The following PIEZO1 variants were observed in gnomAD, a reference collection of about 807,000 sequenced individuals.
The protein encoded by PIEZO1 is piezo-type mechanosensitive ion channel component 1.
PIEZO1 carries 296 observed loss-of-function variants against 297.2 expected under a neutral mutation model. The observed-to-expected ratio is 1.00, with a 90% confidence interval of 0.91 to 1.10. The LOEUF (loss-of-function observed/expected upper bound fraction) is 1.10, where lower values mean the gene tolerates loss of function less well. PIEZO1 is among the 50% of genes least tolerant of loss of function. The pLI is 0.00. For synonymous variants in PIEZO1, 2,427 were observed against 1,507.5 expected (o/e 1.61, Z -14.13); for missense variants, 5,018 against 3,455.5 (o/e 1.45, Z -11.34).
chr16:88,773,321 G>C (rs562770864), intron 1 of PIEZO1, among the ~76,000 whole-genome samples: 2 of 152,252 alleles, frequency 1.3e-5, no homozygotes, highest in African/African-American at 4.8e-5. Flanking sequence ...AATAAAAACC[G>C]CAGAGGAGGT....
intron 40 of PIEZO1, 37 bp from the exon 41 acceptor site, chr16:88,720,569 G>T (rs572641589): frequency 4.6e-5 from 56 of 1,218,548 alleles, no homozygotes; most frequent in Non-Finnish European, 6.0e-5. Context: ...CCCAGTACCC[G>T]CCTCCCCACC....
intron 2 of PIEZO1, chr16:88,743,951 C>G (rs1597467128): frequency 3.5e-6 from 1 of 284,604 alleles, no homozygotes; most frequent in South Asian, 3.0e-5. Flanking sequence ...CCGACACGAA[C>G]AGGAGCCACC....
In PIEZO1 at chr16:88,722,495, T is replaced by G. The variant is rs4238687; in HGVS notation, c.4775+88A>C. ...GGAAAGTGCCCACGGTCCTTTGGGG[T>G]ACAAGGGAATGGCGAGGGTCGGGGA... On this transcript the variant is annotated intron_variant, in intron 35 of 50. Transcript: ENST00000301015. The G allele has an allele frequency of 0.88, 1,257,270 of 1,423,994 alleles. 555,923 individuals carry two copies. The highest frequency in any genetic ancestry group is 0.97 in the African/African-American group (67,668 of 70,008). The allele number at this position is 1,423,994 out of a possible 1,614,324, so 88.2% of individuals were successfully genotyped here. A position where few individuals can be genotyped will look rare whatever the true frequency, so the allele number is the denominator to read the frequency against.
rs1361273347 is a variant in PIEZO1, at chr16:88,732,422, G to A, written c.2904C>T (p.Ala968=). Residue 968 remains alanine, a synonymous_variant, in exon 21 of 51, where the codon GCC becomes GCT. Coordinates refer to ENST00000301015, the MANE Select transcript of PIEZO1 (RefSeq NM_001142864.4). ...LAPLPAQAVF[A]SGTRQQLDQD... ...GGTCCAGCTGCTGGCGGGTGCCGCT[G>A]GCAAACACGGCCTGGGCAGGCAGCG... The A allele has an allele frequency of 1.3e-6, 2 of 1,549,774 alleles. No homozygotes were observed. Among genetic ancestry groups the A allele is most frequent in the South Asian group, 1.2e-5 (1 of 84,054 alleles).
At position 88,749,197 on chromosome 16, in the gene PIEZO1, G is replaced by A. The variant is rs55963358; in HGVS notation, c.160+187C>T. ...GAAGCCTGCAGTGAGCAGAGATCGC[G>A]CCACTGCACTCCAGCCTGGGCGACT... is the stretch of plus-strand genomic sequence containing the variant. On this transcript the variant is annotated intron_variant, in intron 2 of 50. Transcript: ENST00000301015. Among the ~76,000 whole-genome samples, 1,271 of 151,544 alleles carry A rather than the reference G, an allele frequency of 8.4e-3. 17 individuals carry two copies. The highest frequency in any genetic ancestry group is 0.052 in the East Asian group (265 of 5,136).
intron 24 of PIEZO1, 23 bp downstream of exon 24, chr16:88,727,016 G>T: frequency 6.5e-7 from 1 of 1,548,378 alleles, no homozygotes; most frequent in Non-Finnish European, 8.7e-7. Context: ...AAGGTTCCCC[G>T]TGGAGGGTGA....
intron 1 of PIEZO1, among the ~76,000 whole-genome samples, chr16:88,751,024 C>T (rs1906362413): frequency 6.6e-6 from 1 of 152,162 alleles, no homozygotes; most frequent in South Asian, 2.1e-4. Context: ...CCTCCATAGT[C>T]TGGCTCTGTG....
At chr16:88,731,959 A>ATGCACTGAGTCTGGGGAGGGG (rs1482630762) in intron 21 of PIEZO1, 49 bp from the exon 22 acceptor site, 1 of 63,334 alleles carries the variant, frequency 1.6e-5, no homozygotes, top group Non-Finnish European at 2.9e-5. Flanking sequence ...GTCTGGGGGG[A>ATGCACTGAGTCTGGGGAGGGG]GGGACTTTCT....
chr16:88,726,504 G>T, intron 26 of PIEZO1, 43 bp downstream of exon 26: 1 of 1,546,838 alleles, frequency 6.5e-7, no homozygotes, highest in Non-Finnish European at 8.7e-7. Flanking sequence ...CAGGAGCAGG[G>T]GGCTTCCCCA....
At position 88,723,878 on chromosome 16, in the gene PIEZO1, G is replaced by T. The variant is rs929757920; in HGVS notation, c.4328C>A (p.Ala1443Asp). The change falls in exon 31 of 51, where the codon GCC becomes GAC. Residue 1443 changes from alanine (A) to aspartate (D), a missense_variant. Physicochemically the swap from Ala to Asp is moderately radical, Grantham distance 126. Transcript: ENST00000301015. ...GGGGCTCTCCCACCTCACCTGGAAGGCACTCTGTGCCGACGGCCTCGGGTC... is the reference window on the plus strand; with the variant it reads ...GGGGCTCTCCCACCTCACCTGGAAGTCACTCTGTGCCGACGGCCTCGGGTC... ...PEDPRPSAQSAFQLAYQAWVT... is the reference protein window; with the variant it reads ...PEDPRPSAQSDFQLAYQAWVT... 6.5e-7 allele frequency: 1 copy of T among 1,528,082 alleles called. No individual in the cohort carries two copies. The allele number at this position is 1,528,082 out of a possible 1,614,324, so 94.7% of individuals were successfully genotyped here.
Position 88,727,612 on chromosome 16 carries a change from G to T in PIEZO1, c.3246C>A (p.Ile1082=). The part of the protein sequence containing the change: ...SRAVPMNSAL[I]KWLYLPDFFR... ...AGAAATCAGGCAGGTACAGCCACTTGATGAGTGCGGAGTTCATGGGGACGG... is the reference window on the plus strand; with the variant it reads ...AGAAATCAGGCAGGTACAGCCACTTTATGAGTGCGGAGTTCATGGGGACGG... The change falls in exon 23 of 51, where the codon ATC becomes ATA. Residue 1082 remains isoleucine (I), a synonymous_variant. Transcript: ENST00000301015. 6.5e-7 allele frequency: 1 copy of T among 1,537,240 alleles called. No individual in the cohort carries two copies. Among genetic ancestry groups the T allele is most frequent in the East Asian group, 2.5e-5 (1 of 40,590 alleles).
Position 88,725,582 on chromosome 16 carries a change from C to T in PIEZO1, c.4058+13G>A, listed in dbSNP as rs1597448900. On this transcript the variant is annotated intron_variant, in intron 28 of 50. Transcript: ENST00000301015. ...GGGAGGAGCCGGGGAGTCCCCGCCC[C>T]AGAGGCACCTACTGTCTTTTCAGCT... The T allele has an allele frequency of 1.9e-6, 3 of 1,539,922 alleles. No individual in the cohort carries two copies. Among genetic ancestry groups the T allele is most frequent in the Non-Finnish European group, 1.8e-6 (2 of 1,137,442 alleles).
chr16:88,734,261 G>A, intron 16 of PIEZO1, 95 bp downstream of exon 16: 2 of 1,268,770 alleles, frequency 1.6e-6, no homozygotes, highest in Non-Finnish European at 2.1e-6. Context: ...ATCTGAAGGT[G>A]GAAGATGTGG....
At chr16:88,772,610 C>G (rs1376074168) in intron 1 of PIEZO1, among the ~76,000 whole-genome samples, 1 of 152,158 alleles carries the variant, frequency 6.6e-6, no homozygotes, top group East Asian at 1.9e-4. Context: ...AAAACCCCGT[C>G]TCTACTAAAA....
rs969069987 is a variant in PIEZO1 at position 88,716,245 on chromosome 16, C to G, written c.7082G>C (p.Arg2361Pro). 6.7e-7 allele frequency: 1 copy of G among 1,495,356 alleles called. No homozygotes were observed. Among genetic ancestry groups the G allele is most frequent in the African/African-American group, 1.4e-5 (1 of 71,794 alleles). The allele number at this position is 1,495,356 out of a possible 1,614,324, so 92.6% of individuals were successfully genotyped here. ...GTTGGCTTCGGGCCCGTTGGGGGCA[C>G]GGATGTACTTGGGGAAGAGATTAGG... ...VIPNLFPKYI[R>P]APNGPEANPV... The change falls in exon 49 of 51, where the codon CGT becomes CCT. Residue 2361 changes from arginine (R) to proline (P), a missense_variant. Arg to Pro is a moderately radical substitution (Grantham distance 103). Transcript: ENST00000301015.
chr16:88,736,014 G>T, intron 12 of PIEZO1, 134 bp downstream of exon 12: 1 of 878,108 alleles, frequency 1.1e-6, no homozygotes, highest in African/African-American at 1.7e-5. Context: ...GCTCTGGGTG[G>T]GCAGAAGGGG....
chr16:88,775,726 C>CAA (rs3052234), intron 1 of PIEZO1, among the ~76,000 whole-genome samples: 29,478 of 98,152 alleles, frequency 0.3, 4,634 homozygotes, highest in East Asian at 0.43. Flanking sequence ...AAGACGCTGT[C>CAA]AAAAAAAAAA....
At chr16:88,727,873 A>C (rs909152374) in intron 22 of PIEZO1, 1 of 379,448 alleles carries the variant, frequency 2.6e-6, no homozygotes, top group African/African-American at 2.1e-5. Context: ...CCTGGGGGCA[A>C]AGGAACTGAG....
At chr16:88,778,918 C>T (rs866368820) in intron 1 of PIEZO1, among the ~76,000 whole-genome samples, 3 of 152,108 alleles carry the variant, frequency 2.0e-5, no homozygotes, top group Non-Finnish European at 2.9e-5. Context: ...GGAGAGAGAC[C>T]CAGAGAGCGG....
Sources: gnomAD v4.1 joint callset for allele counts (sites outside exome capture counted in the v4.1 genomes callset) on GRCh38, gnomAD v4.1.1 for gene constraint, MANE v1.5 for transcripts, NCBI Gene and HGNC (gene_info 2026-07-23, HGNC 2026-07-21) for gene names.